The following OR51B5 variants were observed in gnomAD, a reference collection of about 807,000 sequenced individuals.
The protein encoded by OR51B5 is olfactory receptor 51B5.
For missense variants in OR51B5, 456 were observed against 374.6 expected, an observed-to-expected ratio of 1.22 and a Z score of -1.79; for synonymous variants, 186 against 144.8, an observed-to-expected ratio of 1.28 and a Z score of -2.04.
chr11:5,454,356 C>T, intron 1 of OR51B5: 2 of 1,613,998 alleles, frequency 1.2e-6, no homozygotes, highest in South Asian at 2.2e-5. Flanking sequence ...GCTCAACCCT[C>T]TCATTTATAG....
At chr11:5,372,685 G>T (rs1433948835) in intron 1 of OR51B5, among the ~76,000 whole-genome samples, 17 of 152,156 alleles carry the variant, frequency 1.1e-4, no homozygotes, top group Admixed American at 1.1e-3. Flanking sequence ...TATATGATCT[G>T]TAAATATTTT....
intron 1 of OR51B5, among the ~76,000 whole-genome samples, chr11:5,369,997 T>A (rs561797704): frequency 6.6e-6 from 1 of 152,172 alleles, no homozygotes; most frequent in Non-Finnish European, 1.5e-5. Flanking sequence ...TGTCAATCTG[T>A]ATCAACAAGA....
At chr11:5,464,609 C>G (rs1168107127) in intron 1 of OR51B5, among the ~76,000 whole-genome samples, 56 of 151,906 alleles carry the variant, frequency 3.7e-4, no homozygotes, top group Admixed American at 1.4e-3. Context: ...CTACAAAGGA[C>G]ATGAACTCAT....
intron 1 of OR51B5, among the ~76,000 whole-genome samples, chr11:5,365,396 G>C (rs542336924): frequency 6.6e-6 from 1 of 152,306 alleles, no homozygotes; most frequent in African/African-American, 2.4e-5. Context: ...AACCAAATAT[G>C]GGATGAGAGA....
At chr11:5,388,487 T>C (rs1455279824) in intron 1 of OR51B5, among the ~76,000 whole-genome samples, 1 of 150,116 alleles carries the variant, frequency 6.7e-6, no homozygotes, top group African/African-American at 2.5e-5. Flanking sequence ...GGGAAAGCTA[T>C]TTCAGGAAAA....
intron 1 of OR51B5, chr11:5,352,285 C>G: frequency 6.2e-7 from 1 of 1,614,222 alleles, no homozygotes; most frequent in Non-Finnish European, 8.5e-7. Context: ...GACATTTATT[C>G]ATAGGTTTGG....
At chr11:5,410,191 C>T (rs1200614791) in intron 1 of OR51B5, among the ~76,000 whole-genome samples, 3 of 151,826 alleles carry the variant, frequency 2.0e-5, no homozygotes, top group African/African-American at 7.3e-5. Context: ...AAATTAAAAG[C>T]ATCGGAAAAG....
At chr11:5,367,810 C>T (rs1849393594) in intron 1 of OR51B5, among the ~76,000 whole-genome samples, 4 of 152,112 alleles carry the variant, frequency 2.6e-5, no homozygotes, top group Admixed American at 1.3e-4. Context: ...ATGCTAGCAC[C>T]CAGAATAGAG....
chr11:5,355,144 G>C (rs543155505), intron 1 of OR51B5: 1 of 176,710 alleles, frequency 5.7e-6, no homozygotes, highest in Non-Finnish European at 1.2e-5. Flanking sequence ...ACCTCCATCG[G>C]GCTCAACAGA....
chr11:5,359,364 G>T lies in OR51B5; in HGVS notation n.85-12454C>A, dbSNP rs1161251705. On this transcript the variant is annotated intron_variant and non_coding_transcript_variant, in intron 1 of 4. Coordinates refer to the OR51B5 transcript ENST00000415970. Reference sequence around the variant, plus strand: ...TACACCAATAACAGACAAACAGAGAGCCAAATCATGAGGGAACTCCCATTC... The same window carrying T: ...TACACCAATAACAGACAAACAGAGATCCAAATCATGAGGGAACTCCCATTC... Among the ~76,000 whole-genome samples the T allele has an allele frequency of 1.0e-4, 15 of 146,000 alleles. No individual in the cohort carries two copies. In the East Asian group the frequency reaches 2.7e-3, roughly 27 times the overall value.
intron 1 of OR51B5, among the ~76,000 whole-genome samples, chr11:5,375,167 G>A (rs1589961122): frequency 6.8e-6 from 1 of 147,044 alleles, no homozygotes; most frequent in African/African-American, 2.5e-5. Flanking sequence ...GAAGAGAGTG[G>A]GGGCCAATAT....
At chr11:5,474,500 A>T (rs1431889147) in intron 1 of OR51B5, among the ~76,000 whole-genome samples, 1 of 12,820 alleles carries the variant, frequency 7.8e-5, no homozygotes, top group Admixed American at 1.1e-3. Context: ...ACCAATTAAT[A>T]AATTGTTTTT....
chr11:5,426,745 C>G (rs1241488880), intron 1 of OR51B5, among the ~76,000 whole-genome samples: 2 of 152,134 alleles, frequency 1.3e-5, no homozygotes, highest in African/African-American at 4.8e-5. Flanking sequence ...CTCTCTGTCT[C>G]CCTGTTTTTC....
chr11:5,494,688 T>G (rs556169920), intron 1 of OR51B5, among the ~76,000 whole-genome samples: 1 of 152,346 alleles, frequency 6.6e-6, no homozygotes, highest in Non-Finnish European at 1.5e-5. Flanking sequence ...TTTCCCTTTT[T>G]AAGACTGTGT....
chr11:5,445,215 T>A (rs959792227), intron 1 of OR51B5, among the ~76,000 whole-genome samples: 1 of 152,270 alleles, frequency 6.6e-6, no homozygotes, highest in East Asian at 1.9e-4. Context: ...CTTAAAGAAA[T>A]GATCAAATAT....
rs1202216283 is a variant in OR51B5 at position 5,350,937 on chromosome 11, C to A, written n.85-4027G>T. Among the ~76,000 whole-genome samples the A allele has an allele frequency of 2.0e-5, 3 of 152,144 alleles. No homozygotes were observed. The East Asian group carries it at 5.8e-4, about 29-fold the overall frequency. ...CCAGGAATATTGAAGAAAAGTCAATCTCTGAAATTTACTATTTTATTGTAT... is the reference window on the plus strand; with the variant it reads ...CCAGGAATATTGAAGAAAAGTCAATATCTGAAATTTACTATTTTATTGTAT... On this transcript the variant is annotated intron_variant and non_coding_transcript_variant, in intron 1 of 4. Coordinates refer to the OR51B5 transcript ENST00000415970.
chr11:5,419,285 G>A (rs1252407072), intron 1 of OR51B5, among the ~76,000 whole-genome samples: 2 of 152,122 alleles, frequency 1.3e-5, no homozygotes, highest in Non-Finnish European at 2.9e-5. Flanking sequence ...AGCATCTCAG[G>A]TAATAAGGAG....
intron 1 of OR51B5, among the ~76,000 whole-genome samples, chr11:5,494,558 CAAT>C (rs1172164435): frequency 6.6e-6 from 1 of 152,052 alleles, no homozygotes; most frequent in African/African-American, 2.4e-5. Flanking sequence ...AATAAAGTAA[CAAT>C]AATCAACTTG....
intron 1 of OR51B5, among the ~76,000 whole-genome samples, chr11:5,396,327 T>C (rs1849871345): frequency 6.6e-6 from 1 of 152,230 alleles, no homozygotes; most frequent in Admixed American, 6.5e-5. Flanking sequence ...AACCCCATTG[T>C]CTCAGCCCAA....
Sources: allele counts gnomAD v4.1 joint callset (sites outside exome capture counted in the v4.1 genomes callset), GRCh38; gene constraint gnomAD v4.1.1; transcripts MANE v1.5; gene names NCBI Gene and HGNC (gene_info 2026-07-23, HGNC 2026-07-21).